The following LRRC66 variants were observed in gnomAD, a reference collection of about 807,000 sequenced individuals.
The protein encoded by LRRC66 is leucine-rich repeat-containing protein 66.
In LRRC66, 29 loss-of-function variants were observed where a neutral mutation model predicts 24.6. The ratio of observed to expected loss-of-function variants is 1.18; its 90% CI spans 0.88 to 1.61. The LOEUF is 1.61. LRRC66 is among the 40% of genes most tolerant of loss of function. LRRC66 has a pLI of 0.00. For synonymous variants in LRRC66, 411 were observed against 397.6 expected, an observed-to-expected ratio of 1.03 and a Z score of -0.40; for missense variants, 1,124 against 1,058.0, an observed-to-expected ratio of 1.06 and a Z score of -0.87.
rs934206038 is a variant in LRRC66 at position 51,993,692 on chromosome 4, C to T, written c.*687G>A. 1.3e-5 allele frequency: 2 copies of T among 152,214 alleles called. No homozygotes were observed. The highest frequency in any genetic ancestry group is 4.8e-5 in the African/African-American group (2 of 41,454). 9.4% of individuals were successfully genotyped at this position (152,214 alleles called of 1,614,324 possible). On this transcript the variant is annotated 3_prime_UTR_variant, in exon 5 of 5. Coordinates refer to ENST00000682860, the MANE Select transcript of LRRC66 (RefSeq NM_001024611.3). ...CACTTTATTCTAAAAAGTGGCCCCT[C>T]TTCTCTTTTAACATAACTTATTTAA...
chr4:52,012,618 A>G (rs1736728224), intron 2 of LRRC66, among the ~76,000 whole-genome samples: 2 of 152,146 alleles, frequency 1.3e-5, no homozygotes, highest in Non-Finnish European at 2.9e-5. Flanking sequence ...AAATGAGTGA[A>G]AAGAGGCTGT....
chr4:52,001,023 A>C (rs1736435172), intron 3 of LRRC66, among the ~76,000 whole-genome samples: 1 of 152,320 alleles, frequency 6.6e-6, no homozygotes, highest in Middle Eastern at 3.4e-3. Context: ...TTATTCGATA[A>C]GTATTTTAAA....
At chr4:52,018,020 T>C (rs1281545214) in intron 1 of LRRC66, 2 of 985,314 alleles carry the variant, frequency 2.0e-6, no homozygotes, top group Non-Finnish European at 2.4e-6. Context: ...ATCTACAACA[T>C]AGTAATCAAC....
rs143945485 is a variant in LRRC66, at chr4:51,994,795, T to C, written c.2227A>G (p.Ser743Gly). 328 of 1,614,226 alleles carry C rather than the reference T, an allele frequency of 2.0e-4. 3 individuals are homozygous for C. The African/African-American group carries it at 3.5e-3, about 17-fold the overall frequency. ...ESLQDESSGASKDNVTAVDSL... is the reference protein window; with the variant it reads ...ESLQDESSGAGKDNVTAVDSL... ...TCTACAGCCGTCACATTGTCCTTGCTTGCCCCTGAGCTCTCGTCCTGCAGG... is the reference window on the plus strand; with the variant it reads ...TCTACAGCCGTCACATTGTCCTTGCCTGCCCCTGAGCTCTCGTCCTGCAGG... Residue 743 changes from serine to glycine, a missense_variant, in exon 5 of 5, where the codon AGC becomes GGC. By Grantham distance (56) the Ser-to-Gly change is moderately conservative. Coordinates refer to ENST00000682860, the MANE Select transcript of LRRC66 (RefSeq NM_001024611.3).
chr4:51,998,040 A>G (rs557929083), intron 3 of LRRC66, 103 bp from the exon 4 acceptor site: 2 of 973,006 alleles, frequency 2.1e-6, no homozygotes, highest in South Asian at 1.6e-5. Context: ...TATGGAGGCA[A>G]TATGGATTTA....
intron 3 of LRRC66, among the ~76,000 whole-genome samples, chr4:52,002,623 A>ACATAAATGTGACATAAATGTGACAT (rs1736481958): frequency 6.6e-6 from 1 of 152,260 alleles, no homozygotes; most frequent in African/African-American, 2.4e-5. Flanking sequence ...CTATTGGGCC[A>ACATAAATGTGACATAAATGTGACAT]AAATGTGACA....
chr4:52,003,839 TAAG>T (rs1318377430), intron 2 of LRRC66, among the ~76,000 whole-genome samples: 3 of 152,206 alleles, frequency 2.0e-5, no homozygotes, highest in African/African-American at 7.2e-5. Context: ...ACTTTCAAAA[TAAG>T]AGAATCAGTT....
chr4:52,010,848 G>A (rs967985812), intron 2 of LRRC66, among the ~76,000 whole-genome samples: 1 of 152,116 alleles, frequency 6.6e-6, no homozygotes, highest in Admixed American at 6.5e-5. Context: ...AGGTCGAATT[G>A]TAATTCTGTT....
At chr4:52,015,745 G>GAAATA (rs2110203622) in intron 2 of LRRC66, among the ~76,000 whole-genome samples, 1 of 152,144 alleles carries the variant, frequency 6.6e-6, no homozygotes, top group East Asian at 1.9e-4. Flanking sequence ...ACAAAACCTG[G>GAAATA]AAATAACCTA....
Position 51,994,162 on chromosome 4 carries a change from T to A in LRRC66, c.*217A>T. The A allele has an allele frequency of 2.0e-6, 1 of 508,254 alleles. No homozygotes were observed. The highest frequency in any genetic ancestry group is 3.4e-6 in the Non-Finnish European group (1 of 296,644). The allele number at this position is 508,254 out of a possible 1,614,324, so 31.5% of individuals were successfully genotyped here. On this transcript the variant is annotated 3_prime_UTR_variant, in exon 5 of 5. Coordinates refer to ENST00000682860, the MANE Select transcript of LRRC66 (RefSeq NM_001024611.3). ...TCTTTCACACTGAAGAGCAGGTTCA[T>A]CCCCATAGGATGTTAACAAGTGTGT... is the stretch of plus-strand genomic sequence containing the variant.
chr4:52,015,983 A>T (rs1736800685), intron 2 of LRRC66, among the ~76,000 whole-genome samples: 1 of 152,182 alleles, frequency 6.6e-6, no homozygotes, highest in East Asian at 1.9e-4. Context: ...TTTCCCTTTA[A>T]ATTTTTCTTC....
At chr4:52,005,208 C>G (rs1736545342) in intron 2 of LRRC66, among the ~76,000 whole-genome samples, 1 of 152,176 alleles carries the variant, frequency 6.6e-6, no homozygotes, top group African/African-American at 2.4e-5. Context: ...TTTCTGGCTT[C>G]TCTTAAGAAA....
chr4:51,994,169 A>G lies in LRRC66; in HGVS notation c.*210T>C. ...CACTGAAGAGCAGGTTCATCCCCAT[A>G]GGATGTTAACAAGTGTGTTTAGCTT... is the stretch of plus-strand genomic sequence containing the variant. On this transcript the variant is annotated 3_prime_UTR_variant, in exon 5 of 5. Transcript: ENST00000682860. 1 of 539,512 alleles carries G rather than the reference A, an allele frequency of 1.9e-6. No homozygotes were observed. Among genetic ancestry groups the G allele is most frequent in the Admixed American group, 3.5e-5 (1 of 28,762 alleles). The allele number at this position is 539,512 out of a possible 1,614,324, so 33.4% of individuals were successfully genotyped here. A position where few individuals can be genotyped will look rare whatever the true frequency, so the allele number is the denominator to read the frequency against.
At chr4:52,018,717 G>T in intron 1 of LRRC66, 1 of 527,160 alleles carries the variant, frequency 1.9e-6, no homozygotes, top group Non-Finnish European at 2.4e-6. Context: ...CCTCAGGTTG[G>T]TATTCAAAGC....
At chr4:52,002,553 C>A (rs986590240) in intron 3 of LRRC66, among the ~76,000 whole-genome samples, 27 of 152,146 alleles carry the variant, frequency 1.8e-4, no homozygotes, top group African/African-American at 6.5e-4. Context: ...GAGTTCCTTA[C>A]CCTTACAGTA....
chr4:52,018,274 A>G, intron 1 of LRRC66: 1 of 984,998 alleles, frequency 1.0e-6, no homozygotes, highest in Non-Finnish European at 1.2e-6. Flanking sequence ...ACGATACAGA[A>G]ACATTGAGTA....
chr4:52,006,992 T>C (rs1014624650), intron 2 of LRRC66, among the ~76,000 whole-genome samples: 2 of 152,120 alleles, frequency 1.3e-5, no homozygotes, highest in African/African-American at 4.8e-5. Flanking sequence ...ATGCCCATCT[T>C]TTATTAACTA....
At chr4:52,003,152 T>C (rs1017992769) in intron 3 of LRRC66, 71 bp downstream of exon 3, 5 of 1,247,896 alleles carry the variant, frequency 4.0e-6, no homozygotes, top group African/African-American at 3.0e-5. Context: ...AACTCTTCAA[T>C]AGAAATATGC....
Position 51,995,013 on chromosome 4 carries a change from G to C in LRRC66, c.2009C>G (p.Pro670Arg). 6.2e-7 allele frequency: 1 copy of C among 1,614,094 alleles called. No individual in the cohort carries two copies. Among genetic ancestry groups the C allele is most frequent in the African/African-American group, 1.3e-5 (1 of 75,054 alleles). Reference sequence around the variant, plus strand: ...ATCCAGGCCACTGTCCCATCTTGGAGGAAAGACTGATGGGCCTGTGTCTCT... The same window carrying C: ...ATCCAGGCCACTGTCCCATCTTGGACGAAAGACTGATGGGCCTGTGTCTCT... ...DPRDTGPSVF[P>R]PRWDSGLDVT... is the part of the protein sequence containing the mutation. Residue 670 changes from proline to arginine, a missense_variant, in exon 5 of 5, where the codon CCT (proline) becomes CGT (arginine). Pro to Arg is a moderately radical substitution (Grantham distance 103, BLOSUM62 -2). Coordinates refer to ENST00000682860, the MANE Select transcript of LRRC66 (RefSeq NM_001024611.3).
Sources: gnomAD v4.1 joint callset for allele counts (sites outside exome capture counted in the v4.1 genomes callset) on GRCh38, gnomAD v4.1.1 for gene constraint, MANE v1.5 for transcripts, NCBI Gene and HGNC (gene_info 2026-07-23, HGNC 2026-07-21) for gene names.